The following EBF3 variants were observed in gnomAD, a reference collection of about 807,000 sequenced individuals.
The protein encoded by EBF3 is EBF transcription factor 3.
EBF3 carries 18 observed loss-of-function variants against 77.1 expected under a neutral mutation model. The ratio of observed to expected loss-of-function variants is 0.23; its 90% CI spans 0.16 to 0.35. EBF3 has a LOEUF of 0.35. Ranked by LOEUF, EBF3 falls within the 10% of genes least tolerant of loss-of-function variation. The probability of loss-of-function intolerance (pLI) is 1.00; values close to 1 mark genes in which losing one functional copy is unlikely to be tolerated. For missense variants in EBF3, 558 were observed against 860.0 expected, an observed-to-expected ratio of 0.65 and a Z score of 4.39; for synonymous variants, 350 against 343.5, an observed-to-expected ratio of 1.02 and a Z score of -0.21.
intron 6 of EBF3, among the ~76,000 whole-genome samples, chr10:129,907,495 C>T (rs1032900785): frequency 3.0e-4 from 45 of 152,156 alleles, no homozygotes; most frequent in African/African-American, 9.2e-4. Context: ...GGTGATGGTA[C>T]GTGGTGGATC....
chr10:129,943,362 T>C lies in EBF3; in HGVS notation c.554+13896A>G, dbSNP rs1214057608. 5.3e-5 allele frequency among the ~76,000 whole-genome samples: 8 copies of C among 152,262 alleles called. No homozygotes were observed. The East Asian group carries it at 1.5e-3, about 29-fold the overall frequency. On this transcript the variant is annotated intron_variant, in intron 6 of 16. Transcript: ENST00000440978. This position sits in a 1 kb window ranked among gnomAD's most constrained non-coding sequence, Gnocchi z 8.8. ...CACAAAAAAAATTAATTCCAGATTG[T>C]AGTTATTGTCTTAAGCACAAGAAGG...
In EBF3 at chr10:129,930,620, G is replaced by A. The variant is rs191410107; in HGVS notation, c.554+26638C>T. Among the ~76,000 whole-genome samples, 725 of 131,818 alleles carry A rather than the reference G, an allele frequency of 5.5e-3. 8 individuals carry two copies. Among genetic ancestry groups the A allele is most frequent in the African/African-American group, 0.02 (687 of 34,376 alleles). The allele number at this position is 131,818 out of a possible 152,430, so 86.5% of individuals were successfully genotyped here. On this transcript the variant is annotated intron_variant, in intron 6 of 16. Transcript: ENST00000440978. The stretch of plus-strand genomic sequence containing the variant: ...CTCTCATATATCTATATCTATATCT[G>A]TCTATATCTATCTCTATATTAACAA...
At chr10:129,905,740 C>G (rs2134265128) in intron 6 of EBF3, among the ~76,000 whole-genome samples, 1 of 152,252 alleles carries the variant, frequency 6.6e-6, no homozygotes, top group Admixed American at 6.5e-5. Context: ...GAAGGGCTTC[C>G]CAACCGTTGC....
rs1379705566 is a variant in EBF3 at position 129,848,672 on chromosome 10, T to C, written c.1040-192A>G. ...CTTTTGCACATAAAAGCAACGATTA[T>C]TTCTGATCTATAATTAGACTGGAAG... is the stretch of plus-strand genomic sequence containing the variant. On this transcript the variant is annotated intron_variant, in intron 10 of 16. Coordinates refer to ENST00000440978, the MANE Select transcript of EBF3 (RefSeq NM_001375380.1). The surrounding 1 kb of genome is among the most constrained non-coding windows in gnomAD (Gnocchi z 4.4). Among the ~76,000 whole-genome samples, 3 of 152,216 alleles carry C rather than the reference T, an allele frequency of 2.0e-5. No homozygotes were observed.
chr10:129,927,655 G>A (rs1856763290), intron 6 of EBF3, among the ~76,000 whole-genome samples: 1 of 152,204 alleles, frequency 6.6e-6, no homozygotes, highest in South Asian at 2.1e-4. Flanking sequence ...TGAGGATCTT[G>A]CATTTCTTCA....
At chr10:129,868,494 G>A (rs1442847684) in intron 8 of EBF3, among the ~76,000 whole-genome samples, 4 of 152,166 alleles carry the variant, frequency 2.6e-5, no homozygotes, top group Non-Finnish European at 4.4e-5. Context: ...ATTGTTTGTC[G>A]ACAGGGATCC....
intron 10 of EBF3, among the ~76,000 whole-genome samples, chr10:129,857,432 G>A (rs1372060104): frequency 6.6e-6 from 1 of 152,080 alleles, no homozygotes; most frequent in Non-Finnish European, 1.5e-5. Flanking sequence ...GCACTCCTTG[G>A]CCTGGAACTC....
rs1289903681 is a variant in EBF3 at position 129,885,677 on chromosome 10, T to G, written c.555-7828A>C. ...GCGCCCTGTCAATCAGTCTGTATTTTGTCTTTCGCTGCGGGCTCATTAAAA... is the reference window on the plus strand; with the variant it reads ...GCGCCCTGTCAATCAGTCTGTATTTGGTCTTTCGCTGCGGGCTCATTAAAA... On this transcript the variant is annotated intron_variant, in intron 6 of 16. Coordinates refer to ENST00000440978, the MANE Select transcript of EBF3 (RefSeq NM_001375380.1). The surrounding 1 kb of genome is among the most constrained non-coding windows in gnomAD (Gnocchi z 4.0). Among the ~76,000 whole-genome samples, 1 of 152,208 alleles carries G rather than the reference T, an allele frequency of 6.6e-6. No individual in the cohort carries two copies. Among genetic ancestry groups the G allele is most frequent in the African/African-American group, 2.4e-5 (1 of 41,456 alleles).
At chr10:129,873,694 A>C in intron 7 of EBF3, 98 bp from the exon 8 acceptor site, 1 of 1,276,680 alleles carries the variant, frequency 7.8e-7, no homozygotes, top group African/African-American at 1.5e-5. Context: ...GCAGAGCACA[A>C]GGAAATTTCA....
chr10:129,907,154 C>A (rs1199272596), intron 6 of EBF3, among the ~76,000 whole-genome samples: 1 of 152,226 alleles, frequency 6.6e-6, no homozygotes, highest in Non-Finnish European at 1.5e-5. Flanking sequence ...AGAAGAACAA[C>A]TGAAATGAAT....
At position 129,963,574 on chromosome 10, in the gene EBF3, CG is replaced by C. The variant is rs761987477; in HGVS notation, c.135-52del. 3.0e-5 allele frequency: 38 copies of C among 1,258,420 alleles called. No homozygotes were observed. Among genetic ancestry groups the C allele is most frequent in the Admixed American group, 4.1e-5 (1 of 24,306 alleles). 78.0% of individuals were successfully genotyped at this position (1,258,420 alleles called of 1,614,324 possible). A position where few individuals can be genotyped will look rare whatever the true frequency, so the allele number is the denominator to read the frequency against. ...CGGTGAGGAGCGCGGCGCCGGCCGGCGGAGGGGGCCGGGCCGGGCCGGGGCC... is the reference window on the plus strand; with the variant it reads ...CGGTGAGGAGCGCGGCGCCGGCCGGCGAGGGGGCCGGGCCGGGCCGGGGCC... On this transcript the variant is annotated intron_variant, in intron 1 of 16. Coordinates refer to ENST00000440978, the MANE Select transcript of EBF3 (RefSeq NM_001375380.1). This position sits in a 1 kb window ranked among gnomAD's most constrained non-coding sequence, Gnocchi z 7.1.
At chr10:129,852,245 C>T (rs1157200208) in intron 10 of EBF3, among the ~76,000 whole-genome samples, 1 of 152,208 alleles carries the variant, frequency 6.6e-6, no homozygotes, top group Non-Finnish European at 1.5e-5. Flanking sequence ...GAGTTAATCT[C>T]GTTACTTTAC....
At chr10:129,926,613 G>A (rs1856692210) in intron 6 of EBF3, among the ~76,000 whole-genome samples, 1 of 152,176 alleles carries the variant, frequency 6.6e-6, no homozygotes, top group Admixed American at 6.5e-5. Context: ...GAGGGGGCTG[G>A]GCAGACTGGA....
intron 6 of EBF3, among the ~76,000 whole-genome samples, chr10:129,910,537 T>C (rs866681421): frequency 1.3e-5 from 2 of 152,206 alleles, no homozygotes; most frequent in Admixed American, 6.5e-5. Context: ...TTGGCAGATA[T>C]ACACCAAATC....
At chr10:129,950,668 A>C (rs1046127159) in intron 6 of EBF3, among the ~76,000 whole-genome samples, 1 of 152,214 alleles carries the variant, frequency 6.6e-6, no homozygotes, top group African/African-American at 2.4e-5. Flanking sequence ...TAACCCATGA[A>C]ATTACTGCAC....
In EBF3 at chr10:129,962,158, T is replaced by A. The variant is rs1282901098; in HGVS notation, c.411+13A>T. On this transcript the variant is annotated intron_variant, in intron 4 of 16. Coordinates refer to ENST00000440978, the MANE Select transcript of EBF3 (RefSeq NM_001375380.1). ...AGCAGTGAAAACTCGTGCAGAGGCATAAACTTTCTCACCTGTTTGGTCATT... is the reference window on the plus strand; with the variant it reads ...AGCAGTGAAAACTCGTGCAGAGGCAAAAACTTTCTCACCTGTTTGGTCATT... The A allele has an allele frequency of 1.2e-6, 2 of 1,614,016 alleles. No individual in the cohort carries two copies. The highest frequency in any genetic ancestry group is 3.3e-5 in the Admixed American group (2 of 59,998).
intron 4 of EBF3, among the ~76,000 whole-genome samples, chr10:129,960,471 G>C (rs1286849548): frequency 6.6e-6 from 1 of 152,254 alleles, no homozygotes; most frequent in Admixed American, 6.5e-5. Context: ...GCGCGTGGCC[G>C]CGGCGGGCAC....
intron 10 of EBF3, among the ~76,000 whole-genome samples, chr10:129,854,531 C>T (rs1272822540): frequency 1.3e-5 from 2 of 152,124 alleles, no homozygotes; most frequent in Non-Finnish European, 2.9e-5. Context: ...CTTCCTGATA[C>T]GACGTGTAAT....
At chr10:129,921,290 C>T (rs909391838) in intron 6 of EBF3, among the ~76,000 whole-genome samples, 13 of 152,094 alleles carry the variant, frequency 8.5e-5, no homozygotes, top group African/African-American at 2.9e-4. Flanking sequence ...TCCTGGGCAC[C>T]GCAGGGTGTT....
Sources: gnomAD v4.1 joint callset for allele counts (sites outside exome capture counted in the v4.1 genomes callset) on GRCh38, gnomAD v4.1.1 for gene constraint, Gnocchi (gnomAD v3.1) non-coding constraint, MANE v1.5 for transcripts, NCBI Gene and HGNC (gene_info 2026-07-23, HGNC 2026-07-21) for gene names.